The following ALK variants were observed in gnomAD, a reference collection of about 807,000 sequenced individuals.
ALK encodes ALK tyrosine kinase receptor.
In ALK, 74 loss-of-function variants were observed where a neutral mutation model predicts 163.1. The ratio of observed to expected loss-of-function variants is 0.45; its 90% CI spans 0.38 to 0.55. The LOEUF (loss-of-function observed/expected upper bound fraction) is 0.55. Ranked by LOEUF, ALK falls within the 20% of genes least tolerant of loss-of-function variation. The pLI, the probability that ALK is intolerant of heterozygous loss-of-function variation, is 0.00. For synonymous variants in ALK, 960 were observed against 843.2 expected (o/e 1.14, Z -2.40); for missense variants, 2,063 against 2,105.3 (o/e 0.98, Z 0.39).
At chr2:29,205,434 A>G (rs1364107229) in intron 26 of ALK, among the ~76,000 whole-genome samples, 1 of 152,190 alleles carries the variant, frequency 6.6e-6, no homozygotes, top group African/African-American at 2.4e-5. Flanking sequence ...CCAACCAACC[A>G]AACAACCACA....
intron 1 of ALK, among the ~76,000 whole-genome samples, chr2:29,848,370 C>T (rs1011534549): frequency 1.1e-4 from 17 of 148,380 alleles, no homozygotes; most frequent in African/African-American, 3.3e-4. Flanking sequence ...TTTAAACTAG[C>T]AAGTTTGAGA....
chr2:29,323,838 G>A (rs1667153053), intron 6 of ALK, among the ~76,000 whole-genome samples: 1 of 152,142 alleles, frequency 6.6e-6, no homozygotes, highest in Non-Finnish European at 1.5e-5. Flanking sequence ...TTCGCCCCAA[G>A]CTCCTACTCA....
chr2:29,740,668 G>A (rs2879495), intron 1 of ALK, among the ~76,000 whole-genome samples: 1,613 of 152,248 alleles, frequency 0.011, 30 homozygotes, highest in African/African-American at 0.036. Flanking sequence ...TTTAATTGTG[G>A]TACATCCCGA....
intron 1 of ALK, among the ~76,000 whole-genome samples, chr2:29,739,911 C>CCAGG (rs1372576345): frequency 1.3e-5 from 2 of 152,044 alleles, no homozygotes; most frequent in Non-Finnish European, 2.9e-5. Flanking sequence ...ATCATGTGTG[C>CCAGG]CAGGCACTAA....
chr2:29,703,045 G>A (rs764897719), intron 2 of ALK, among the ~76,000 whole-genome samples: 12 of 152,202 alleles, frequency 7.9e-5, no homozygotes, highest in Non-Finnish European at 1.2e-4. Flanking sequence ...TGGCCATCAG[G>A]ATGTATCTGT....
Position 29,519,094 on chromosome 2 carries a change from T to A in ALK, c.1154+12821A>T, listed in dbSNP as rs570941619. On this transcript the variant is annotated intron_variant, in intron 4 of 28. Coordinates refer to ENST00000389048, the MANE Select transcript of ALK (RefSeq NM_004304.5). ...TTTTGTGTATAAAACACAAGAGGTT[T>A]GGAGATATTGAATAACTTTTTAGAG... 2.0e-5 allele frequency among the ~76,000 whole-genome samples: 3 copies of A among 152,348 alleles called. No homozygotes were observed. The East Asian group carries it at 5.8e-4, about 29-fold the overall frequency.
intron 2 of ALK, among the ~76,000 whole-genome samples, chr2:29,707,567 C>T (rs1678948091): frequency 6.6e-6 from 1 of 152,160 alleles, no homozygotes; most frequent in Non-Finnish European, 1.5e-5. Flanking sequence ...TTGCTAAGAA[C>T]AGAGGAGGAG....
intron 1 of ALK, among the ~76,000 whole-genome samples, chr2:29,849,527 T>A (rs1665939084): frequency 6.6e-6 from 1 of 152,222 alleles, no homozygotes; most frequent in South Asian, 2.1e-4. Context: ...CACACCCCAC[T>A]GTATTCTCAG....
At chr2:29,885,287 T>C (rs1666957951) in intron 1 of ALK, among the ~76,000 whole-genome samples, 1 of 152,074 alleles carries the variant, frequency 6.6e-6, no homozygotes, top group Non-Finnish European at 1.5e-5. Flanking sequence ...AGCCTCTAGA[T>C]CAGGGGGTCA....
At chr2:29,448,205 C>A (rs1302232877) in intron 4 of ALK, among the ~76,000 whole-genome samples, 1 of 152,192 alleles carries the variant, frequency 6.6e-6, no homozygotes, top group Non-Finnish European at 1.5e-5. Flanking sequence ...AGTCTCAGAG[C>A]CTGCTTGTGT....
At chr2:29,651,544 CA>C (rs1183378614) in intron 3 of ALK, among the ~76,000 whole-genome samples, 5 of 152,164 alleles carry the variant, frequency 3.3e-5, no homozygotes, top group African/African-American at 4.8e-5. Flanking sequence ...GGATCATTTT[CA>C]ATAGCATCTT....
At position 29,193,775 on chromosome 2, in the gene ALK, G is replaced by T. The variant is rs1558604000; in HGVS notation, c.4312C>A (p.Pro1438Thr). The change falls in exon 29 of 29, where the codon CCA becomes ACA. Residue 1438 changes from proline (P) to threonine (T), a missense_variant. Around this residue, in one of 5 missense-constraint regions of ALK, gnomAD observed 403 missense variants for 366.2 expected, o/e 1.10. Transcript: ENST00000389048. ...GTAGGCAGAGGTGGTGGGGCAGCTGGGCTGCGCTCCTCCTCCCGTTTTGCC... is the reference window on the plus strand; with the variant it reads ...GTAGGCAGAGGTGGTGGGGCAGCTGTGCTGCGCTCCTCCTCCCGTTTTGCC... ...QQAKREEERS[P>T]AAPPPLPTTS... The T allele has an allele frequency of 1.9e-6, 3 of 1,594,004 alleles. No individual in the cohort carries two copies. Among genetic ancestry groups the T allele is most frequent in the Non-Finnish European group, 2.6e-6 (3 of 1,169,558 alleles).
At chr2:29,803,322 A>G (rs1664531997) in intron 1 of ALK, among the ~76,000 whole-genome samples, 2 of 152,232 alleles carry the variant, frequency 1.3e-5, no homozygotes, top group African/African-American at 4.8e-5. Context: ...GCTCCCACAA[A>G]GTATTATTGT....
intron 3 of ALK, among the ~76,000 whole-genome samples, chr2:29,557,661 T>G (rs918521944): frequency 1.3e-5 from 2 of 152,160 alleles, no homozygotes; most frequent in African/African-American, 4.8e-5. Context: ...GATATAGCAA[T>G]ATATTAGTGG....
rs556146176 is a variant in ALK, at chr2:29,757,997, C to T, written c.668-40300G>A. Among the ~76,000 whole-genome samples, 27 of 150,578 alleles carry T rather than the reference C, an allele frequency of 1.8e-4. No homozygotes were observed. In the South Asian group the frequency reaches 2.7e-3, roughly 15 times the overall value. On this transcript the variant is annotated intron_variant, in intron 1 of 28. Transcript: ENST00000389048. ...CAAGAGATGATATTCACACCTTACC[C>T]GCATCCTCTTTTTTTTTTTTTTTTT...
intron 4 of ALK, among the ~76,000 whole-genome samples, chr2:29,449,345 G>T (rs1332413992): frequency 2.0e-5 from 3 of 152,178 alleles, no homozygotes; most frequent in Non-Finnish European, 4.4e-5. Flanking sequence ...TTGCCTAGTG[G>T]GTGGGTAAGT....
chr2:29,606,535 T>C (rs1320268124), intron 3 of ALK, among the ~76,000 whole-genome samples: 1 of 152,226 alleles, frequency 6.6e-6, no homozygotes, highest in East Asian at 1.9e-4. Flanking sequence ...GGCATCCCTG[T>C]GGACAGACCT....
intron 25 of ALK, chr2:29,207,953 A>T: frequency 4.8e-6 from 2 of 420,550 alleles, no homozygotes; most frequent in Admixed American, 4.8e-5. Context: ...CTCCTGTGTG[A>T]GTGTGTTACA....
chr2:29,207,236 C>T lies in ALK; in HGVS notation c.3873G>A (p.Leu1291=). ...SYYRKGGCAM[L]PVKWMPPEAF... is the part of the protein sequence containing the mutation. ...CCTCTGGGGGCATCCACTTAACTGG[C>T]AGCATGGCACAGCCTCCCTTTCTAT... The change falls in exon 26 of 29, where the codon CTG becomes CTA. Residue 1291 remains leucine, a synonymous_variant. Transcript: ENST00000389048. The T allele has an allele frequency of 6.2e-7, 1 of 1,614,120 alleles. No homozygotes were observed. Among genetic ancestry groups the T allele is most frequent in the South Asian group, 1.1e-5 (1 of 91,082 alleles).
Sources: gnomAD v4.1 joint callset for allele counts (sites outside exome capture counted in the v4.1 genomes callset) on GRCh38, gnomAD v4.1.1 for gene constraint, gnomAD v4.1.1 regional missense constraint, MANE v1.5 for transcripts, NCBI Gene and HGNC (gene_info 2026-07-23, HGNC 2026-07-21) for gene names.